The following CATSPERT variants were observed in gnomAD, a reference collection of about 807,000 sequenced individuals.
CATSPERT encodes cation channel sperm-associated targeting subunit tau.
the CATSPERT span, among the ~76,000 whole-genome samples, chr2:201,541,184 C>T: frequency 2.6e-5 from 4 of 152,136 alleles, no homozygotes; most frequent in African/African-American, 9.7e-5. Context: ...ATGGAATCTA[C>T]TGCCAAAGAT....
the CATSPERT span, among the ~76,000 whole-genome samples, chr2:201,548,777 G>A: frequency 6.6e-6 from 1 of 152,062 alleles, no homozygotes; most frequent in African/African-American, 2.4e-5. Context: ...GAATATAGAT[G>A]TGAACATTAC....
the CATSPERT span, chr2:201,557,140 A>G: frequency 1.3e-5 from 2 of 152,330 alleles, no homozygotes; most frequent in South Asian, 4.1e-4. Flanking sequence ...TAATATCTGT[A>G]CCAGTGGCAC....
chr2:201,588,175 G>T, the CATSPERT span, among the ~76,000 whole-genome samples: 1 of 151,838 alleles, frequency 6.6e-6, no homozygotes, highest in Non-Finnish European at 1.5e-5. Flanking sequence ...ATGAAAACTT[G>T]GCAGAGATTC....
chr2:201,587,926 C>A, the CATSPERT span, among the ~76,000 whole-genome samples: 258 of 152,156 alleles, frequency 1.7e-3, 1 homozygote, highest in African/African-American at 5.8e-3. Flanking sequence ...GTCACATATA[C>A]CCTCCCAAGA....
At chr2:201,563,351 C>G in the CATSPERT span, among the ~76,000 whole-genome samples, 1 of 134,812 alleles carries the variant, frequency 7.4e-6, no homozygotes, top group African/African-American at 2.9e-5. Context: ...GACTGGGCGG[C>G]TGGCCGGGCG....
the CATSPERT span, among the ~76,000 whole-genome samples, chr2:201,584,776 C>G: frequency 1.3e-5 from 2 of 151,656 alleles, no homozygotes; most frequent in South Asian, 2.1e-4. Context: ...GAGCAAGACT[C>G]TGTCTCAAAA....
the CATSPERT span, among the ~76,000 whole-genome samples, chr2:201,506,142 C>T: frequency 2.0e-5 from 3 of 152,146 alleles, no homozygotes; most frequent in Non-Finnish European, 2.9e-5. Flanking sequence ...TGGCAGGCGC[C>T]TGTAGTCCCA....
the CATSPERT span, among the ~76,000 whole-genome samples, chr2:201,529,337 T>C: frequency 0.61 from 92,283 of 151,952 alleles, 29,989 homozygotes; most frequent in East Asian, 0.95. Flanking sequence ...CACAACTCCC[T>C]GGTTTCAAAT....
the CATSPERT span, among the ~76,000 whole-genome samples, chr2:201,561,749 C>A: frequency 6.6e-6 from 1 of 151,940 alleles, no homozygotes; most frequent in Non-Finnish European, 1.5e-5. Context: ...TGGCACATGC[C>A]TGTAGTCCCA....
the CATSPERT span, chr2:201,494,600 A>G: frequency 6.5e-7 from 1 of 1,537,184 alleles, no homozygotes; most frequent in Admixed American, 2.0e-5. Flanking sequence ...GCAGTTTTTG[A>G]TTGTGCTGGA....
chr2:201,595,577 G>A, the CATSPERT span, among the ~76,000 whole-genome samples: 2 of 152,136 alleles, frequency 1.3e-5, no homozygotes, highest in Non-Finnish European at 2.9e-5. Context: ...CCCTGCTGGG[G>A]AGTGCCTCCC....
chr2:201,536,436 T>A, the CATSPERT span: 1 of 1,236,000 alleles, frequency 8.1e-7, no homozygotes. Context: ...CATAACAAAT[T>A]ACCATTATTA....
At chr2:201,574,391 T>C in the CATSPERT span, 14 of 748,568 alleles carry the variant, frequency 1.9e-5, no homozygotes, top group African/African-American at 2.5e-4. Context: ...AAAGTATGAA[T>C]CTCCTGACTT....
the CATSPERT span, among the ~76,000 whole-genome samples, chr2:201,541,534 TATATATATATATATATA>T: frequency 6.3e-5 from 1 of 15,954 alleles, no homozygotes; most frequent in Admixed American, 7.4e-4. Flanking sequence ...GATGATTTTA[TATATATATATATATATA>T]TATATATATA....
At chr2:201,603,477 ACATT>A in the CATSPERT span, among the ~76,000 whole-genome samples, 1 of 152,224 alleles carries the variant, frequency 6.6e-6, no homozygotes, top group Non-Finnish European at 1.5e-5. Flanking sequence ...TGCGCAGGCC[ACATT>A]CAAAGTAAAC....
the CATSPERT span, among the ~76,000 whole-genome samples, chr2:201,563,603 T>C: frequency 1.3e-5 from 2 of 152,250 alleles, no homozygotes; most frequent in African/African-American, 4.8e-5. Flanking sequence ...GTCAACTCCT[T>C]TATTTTCTAC....
the CATSPERT span, chr2:201,492,353 T>C: frequency 1.3e-6 from 2 of 1,535,286 alleles, no homozygotes; most frequent in Admixed American, 2.0e-5. Context: ...AGTTTTTCTA[T>C]AAAAAGACTC....
chr2:201,547,939 A>G, the CATSPERT span, among the ~76,000 whole-genome samples: 179 of 152,252 alleles, frequency 1.2e-3, no homozygotes, highest in Non-Finnish European at 2.1e-3. Flanking sequence ...TAGGCTATAC[A>G]TACTTGTTAT....
chr2:201,542,138 T>C, the CATSPERT span, among the ~76,000 whole-genome samples: 1 of 150,342 alleles, frequency 6.7e-6, no homozygotes, highest in Non-Finnish European at 1.5e-5. Context: ...GACAAAAGTA[T>C]AGTGTAAATG....
Sources: allele counts gnomAD v4.1 joint callset (sites outside exome capture counted in the v4.1 genomes callset), GRCh38; gene constraint gnomAD v4.1.1; transcripts MANE v1.5; gene names NCBI Gene and HGNC (gene_info 2026-07-23, HGNC 2026-07-21).